TTC8: variants seen among roughly 807,000 people sequenced by gnomAD.
TTC8 encodes the protein tetratricopeptide repeat domain 8, also known as tetratricopeptide repeat protein 8.
A neutral mutation model predicts 72.5 loss-of-function variants in TTC8; 47 were observed. That is an observed-to-expected ratio of 0.65 (90% CI 0.51 to 0.83). The LOEUF (loss-of-function observed/expected upper bound fraction) is 0.83, where lower values mean the gene tolerates loss of function less well. Among genes scored for constraint, TTC8 ranks in the 40% least tolerant of loss-of-function variants. The probability of loss-of-function intolerance (pLI) is 0.00; values close to 1 mark genes in which losing one functional copy is unlikely to be tolerated. For missense variants in TTC8, 611 were observed against 623.2 expected, an observed-to-expected ratio of 0.98 and a Z score of 0.21; for synonymous variants, 199 against 221.4, an observed-to-expected ratio of 0.90 and a Z score of 0.90.
chr14:88,875,420 T>C lies in TTC8; in HGVS notation c.1431+311T>C, dbSNP rs559583321. ...CCTGGTTTGGGAAATGTTTAGTTAT[T>C]GGCTTTTACAGCAACAAAATCCTGT... On this transcript the variant is annotated intron_variant, in intron 14 of 14. Coordinates refer to ENST00000380656, the MANE Select transcript of TTC8 (RefSeq NM_144596.4). Among the ~76,000 whole-genome samples, 3 of 152,316 alleles carry C rather than the reference T, an allele frequency of 2.0e-5. No individual in the cohort carries two copies. In the East Asian group the frequency reaches 5.8e-4, roughly 29 times the overall value.
rs1253468754 is a variant in TTC8 at position 88,841,172 on chromosome 14, C to T, written c.465C>T (p.Ser155=). ...AYTARPITSS[S]GRFVRLGTAS... is the part of the protein sequence containing the mutation. ...CAGCCCGCCCTATCACCAGCTCCTC[C>T]GGAAGATTTGTCAGGCTGGGAACGG... Residue 155 remains serine (S), a synonymous_variant, in exon 5 of 15, where the codon TCC becomes TCT. Coordinates refer to ENST00000380656, the MANE Select transcript of TTC8 (RefSeq NM_144596.4). 29 of 1,613,904 alleles carry T rather than the reference C, an allele frequency of 1.8e-5. No individual in the cohort carries two copies. Among genetic ancestry groups the T allele is most frequent in the East Asian group, 4.5e-5 (2 of 44,884 alleles).
chr14:88,839,495 A>T lies in TTC8; in HGVS notation c.188A>T (p.Tyr63Phe). ...GCAAGAGCGCTAACAGAAATGGTAT[A>T]CATAGATGAAATTGATGTAGATCAG... is the stretch of plus-strand genomic sequence containing the variant. Reference protein sequence around the residue: ...LKARALTEMVYIDEIDVDQEG... With the variant: ...LKARALTEMVFIDEIDVDQEG... The change falls in exon 3 of 15, where the codon TAC becomes TTC. Residue 63 changes from tyrosine (Y) to phenylalanine (F), a missense_variant. Tyr to Phe is a conservative substitution (Grantham distance 22, BLOSUM62 3). Coordinates refer to ENST00000380656, the MANE Select transcript of TTC8 (RefSeq NM_144596.4). 1.2e-6 allele frequency: 2 copies of T among 1,613,344 alleles called. No homozygotes were observed. Among genetic ancestry groups the T allele is most frequent in the Non-Finnish European group, 1.7e-6 (2 of 1,179,544 alleles).
chr14:88,828,500 T>G (rs1275367682), intron 1 of TTC8, among the ~76,000 whole-genome samples: 3 of 152,232 alleles, frequency 2.0e-5, no homozygotes, highest in African/African-American at 7.2e-5. Flanking sequence ...CCAAACTGAT[T>G]ATAGTATGGA....
intron 8 of TTC8, 62 bp downstream of exon 8, chr14:88,853,118 A>T: frequency 3.2e-6 from 4 of 1,234,174 alleles, no homozygotes; most frequent in Non-Finnish European, 4.8e-6. Flanking sequence ...CTCAAATCTG[A>T]TACTTTTTGA....
At chr14:88,863,729 T>C (rs957197336) in intron 10 of TTC8, among the ~76,000 whole-genome samples, 4 of 152,230 alleles carry the variant, frequency 2.6e-5, no homozygotes, top group African/African-American at 9.6e-5. Flanking sequence ...TATGCAGGTG[T>C]ATTCCTACGT....
chr14:88,873,040 T>A (rs74467336), intron 13 of TTC8, among the ~76,000 whole-genome samples: 4,128 of 152,314 alleles, frequency 0.027, 141 homozygotes, highest in East Asian at 0.16. Context: ...AGATTTTTTT[T>A]AAAACCAAGA....
At chr14:88,875,799 G>T (rs2094954940) in intron 14 of TTC8, among the ~76,000 whole-genome samples, 1 of 152,110 alleles carries the variant, frequency 6.6e-6, no homozygotes, top group Non-Finnish European at 1.5e-5. Context: ...TGTCATTTCT[G>T]TATTGAAAAT....
intron 1 of TTC8, among the ~76,000 whole-genome samples, chr14:88,825,627 G>A (rs2094695989): frequency 6.6e-6 from 1 of 152,216 alleles, no homozygotes; most frequent in South Asian, 2.1e-4. Context: ...CGCTGCGGCA[G>A]TTTGTCAGTG....
Position 88,871,416 on chromosome 14 carries a change from G to T in TTC8, c.1050-133G>T, listed in dbSNP as rs1011343692. On this transcript the variant is annotated intron_variant, in intron 11 of 14. Transcript: ENST00000380656. This position sits in a 1 kb window ranked among gnomAD's most constrained non-coding sequence, Gnocchi z 4.1. The stretch of plus-strand genomic sequence containing the variant: ...AACATTTTTTCATTTACTATAACAC[G>T]TATTTATATTCTTAAGGAGTATCAA... The T allele has an allele frequency of 1.3e-6, 1 of 790,462 alleles. No homozygotes were observed. The highest frequency in any genetic ancestry group is 2.1e-6 in the Non-Finnish European group (1 of 485,016). The allele number at this position is 790,462 out of a possible 1,614,324, so 49.0% of individuals were successfully genotyped here.
intron 7 of TTC8, among the ~76,000 whole-genome samples, chr14:88,845,320 A>G (rs1305370217): frequency 6.6e-6 from 1 of 152,160 alleles, no homozygotes; most frequent in Non-Finnish European, 1.5e-5. Flanking sequence ...CAGAAATGGG[A>G]TAATTAGGGA....
rs1326270175 is a variant in TTC8 at position 88,857,191 on chromosome 14, T to C, written c.712T>C (p.Leu238=). 6.2e-7 allele frequency: 1 copy of C among 1,613,706 alleles called. No homozygotes were observed. Among genetic ancestry groups the C allele is most frequent in the East Asian group, 2.2e-5 (1 of 44,846 alleles). Reference sequence around the variant, plus strand: ...AATTCTTAAAATTGCTATTTGTAGGTTGGGAATGTATCGTGAAGCAGAAAA... The same window carrying C: ...AATTCTTAAAATTGCTATTTGTAGGCTGGGAATGTATCGTGAAGCAGAAAA... ...KVQIGKCYYR[L]GMYREAEKQF... The change falls in exon 9 of 15, where the codon TTG becomes CTG. Residue 238 remains leucine, a splice_region_variant and synonymous_variant. Transcript: ENST00000380656.
chr14:88,870,037 C>T lies in TTC8; in HGVS notation c.910-22C>T, dbSNP rs999965458. 5.6e-6 allele frequency: 9 copies of T among 1,612,952 alleles called. No homozygotes were observed. In the African/African-American group the frequency reaches 1.2e-4, roughly 22 times the overall value. On this transcript the variant is annotated intron_variant, in intron 10 of 14. Transcript: ENST00000380656. ...TGTCCAATATTAATAAAATATTGCT[C>T]TTCTCTCTTGATGGAGAATAGGAAA...
At chr14:88,878,896 T>C (rs942899298), downstream of TTC8, 21 of 152,200 alleles carry the variant, frequency 1.4e-4, no homozygotes, top group African/African-American at 4.8e-4. Flanking sequence ...TACTGAGGCA[T>C]AGTAAAAAGC....
chr14:88,857,063 G>A (rs765074404), intron 8 of TTC8, 127 bp from the exon 9 acceptor site: 6 of 820,754 alleles, frequency 7.3e-6, no homozygotes, highest in Non-Finnish European at 1.3e-5. Context: ...GTTAATTTAT[G>A]TGTATGTGCA....
At position 88,842,909 on chromosome 14, in the gene TTC8, G is replaced by C. The variant is rs115616042; in HGVS notation, c.580-897G>C. Among the ~76,000 whole-genome samples the C allele has an allele frequency of 3.7e-3, 565 of 150,958 alleles. 3 individuals are homozygous for C. The highest frequency in any genetic ancestry group is 0.013 in the African/African-American group (539 of 41,186). On this transcript the variant is annotated intron_variant, in intron 6 of 14. Transcript: ENST00000380656. ...AGCACCAATTGCACTCTTAACTTTT[G>C]TTTCTTTATAACAGAACAAATGGAA...
intron 1 of TTC8, among the ~76,000 whole-genome samples, chr14:88,827,787 A>T (rs1405375264): frequency 6.6e-6 from 1 of 152,194 alleles, no homozygotes; most frequent in East Asian, 1.9e-4. Flanking sequence ...ATTAATATTT[A>T]TGTTAGAGTG....
intron 7 of TTC8, among the ~76,000 whole-genome samples, chr14:88,851,238 TC>T (rs1051871323): frequency 3.9e-5 from 6 of 152,164 alleles, no homozygotes; most frequent in African/African-American, 1.4e-4. Flanking sequence ...GAAAAAAAGG[TC>T]AGAGTTCAGT....
chr14:88,873,857 T>C (rs183925936), intron 13 of TTC8, among the ~76,000 whole-genome samples: 54 of 152,348 alleles, frequency 3.5e-4, no homozygotes, highest in African/African-American at 1.2e-3. Context: ...TGAGTAACTT[T>C]ACCCGAGGTC....
chr14:88,857,389 A>C, intron 9 of TTC8, 112 bp downstream of exon 9: 1 of 939,634 alleles, frequency 1.1e-6, no homozygotes, highest in South Asian at 1.3e-5. Context: ...GCAAGTTACT[A>C]TGTTTAGATT....
Sources: allele counts gnomAD v4.1 joint callset (sites outside exome capture counted in the v4.1 genomes callset), GRCh38; gene constraint gnomAD v4.1.1; non-coding constraint Gnocchi (gnomAD v3.1); transcripts MANE v1.5; gene names NCBI Gene and HGNC (gene_info 2026-07-23, HGNC 2026-07-21).